VCF2: variants seen among roughly 807,000 people sequenced by gnomAD.
VCF2 encodes the protein VCP nuclear cofactor family member 2.
chrX:55,151,940 G>C, the VCF2 span, among the ~76,000 whole-genome samples: 5 of 92,648 alleles, frequency 5.4e-5, no homozygotes, highest in African/African-American at 1.6e-4. Context: ...CGCCCAGGCT[G>C]GAGTGCAGTG....
At chrX:55,148,385 T>G in the VCF2 span, among the ~76,000 whole-genome samples, 2 of 110,484 alleles carry the variant, frequency 1.8e-5, no homozygotes, top group Non-Finnish European at 3.8e-5. Flanking sequence ...CAAAGGTTAC[T>G]TAAAAGTTAT....
the VCF2 span, among the ~76,000 whole-genome samples, chrX:55,148,516 A>G: frequency 9.1e-6 from 1 of 110,473 alleles, no homozygotes; most frequent in Non-Finnish European, 1.9e-5. Context: ...AAGAAACGTT[A>G]AAAGGAAAAT....
the VCF2 span, among the ~76,000 whole-genome samples, chrX:55,156,928 T>C: frequency 8.9e-6 from 1 of 112,195 alleles, no homozygotes; most frequent in Non-Finnish European, 1.9e-5. Flanking sequence ...TCAATTGCAA[T>C]ATGAAAGTGC....
chrX:55,148,709 T>G, the VCF2 span, among the ~76,000 whole-genome samples: 1 of 110,468 alleles, frequency 9.1e-6, no homozygotes, highest in Non-Finnish European at 1.9e-5. Context: ...GGGTTTTGAT[T>G]TTTTAAAAAA....
chrX:55,145,991 A>G, the VCF2 span: 1 of 1,115,474 alleles, frequency 9.0e-7, no homozygotes, highest in Non-Finnish European at 1.2e-6. Context: ...TGTTACTTAA[A>G]ATGTAGACTT....
the VCF2 span, among the ~76,000 whole-genome samples, chrX:55,151,961 G>A: frequency 2.5e-3 from 240 of 96,587 alleles, 1 homozygote; most frequent in African/African-American, 8.6e-3. Flanking sequence ...GCGGGATCTC[G>A]GCTCACTGCA....
the VCF2 span, among the ~76,000 whole-genome samples, chrX:55,160,548 G>A: frequency 8.9e-6 from 1 of 112,074 alleles, no homozygotes; most frequent in Admixed American, 9.4e-5. Flanking sequence ...TAATGGTCAC[G>A]GCTGGGTGAT....
chrX:55,158,801 T>C, the VCF2 span, among the ~76,000 whole-genome samples: 4 of 111,979 alleles, frequency 3.6e-5, no homozygotes, highest in African/African-American at 1.3e-4. Context: ...TTCCAGCTAA[T>C]AACATATCAC....
chrX:55,146,899 T>C, the VCF2 span, among the ~76,000 whole-genome samples: 2 of 112,653 alleles, frequency 1.8e-5, no homozygotes, highest in East Asian at 2.8e-4. Flanking sequence ...TGAAAGGCAT[T>C]TGACATACTT....
the VCF2 span, among the ~76,000 whole-genome samples, chrX:55,156,474 T>G: frequency 4.4e-5 from 5 of 112,498 alleles, no homozygotes; most frequent in Non-Finnish European, 9.4e-5. Context: ...TTAAAATATG[T>G]GCTCCCAAAG....
At chrX:55,157,583 T>C in the VCF2 span, among the ~76,000 whole-genome samples, 8 of 112,042 alleles carry the variant, frequency 7.1e-5, no homozygotes, top group African/African-American at 2.6e-4. Flanking sequence ...CTTAAAATGA[T>C]AACCTGACAA....
chrX:55,159,212 C>T, the VCF2 span: 1 of 1,203,123 alleles, frequency 8.3e-7, no homozygotes, highest in Non-Finnish European at 1.1e-6. Context: ...TCTTTACTGC[C>T]ATTTCTTCTT....
At chrX:55,161,106 G>A in the VCF2 span, 1 of 1,207,363 alleles carries the variant, frequency 8.3e-7, no homozygotes. Flanking sequence ...GCTCGGACTG[G>A]TACCGGCCGG....
At chrX:55,146,410 T>C in the VCF2 span, 1 of 736,648 alleles carries the variant, frequency 1.4e-6, no homozygotes, top group African/African-American at 2.1e-5. Flanking sequence ...ATAATGGGCT[T>C]AATGGTTTTT....
the VCF2 span, among the ~76,000 whole-genome samples, chrX:55,150,289 T>G: frequency 1.8e-5 from 2 of 111,968 alleles, no homozygotes; most frequent in East Asian, 5.6e-4. Flanking sequence ...AAGACAATTT[T>G]TCCACAGATG....
the VCF2 span, chrX:55,145,199 G>T: frequency 2.1e-6 from 1 of 484,224 alleles, no homozygotes; most frequent in Non-Finnish European, 2.5e-6. Flanking sequence ...CATAATTCTT[G>T]TTACTTTAAA....
chrX:55,154,576 C>T, the VCF2 span, among the ~76,000 whole-genome samples: 1 of 112,332 alleles, frequency 8.9e-6, no homozygotes, highest in Non-Finnish European at 1.9e-5. Context: ...TACAAAACTC[C>T]TGGGGTCCAG....
At chrX:55,144,597 TG>T in the VCF2 span, among the ~76,000 whole-genome samples, 1 of 111,719 alleles carries the variant, frequency 9.0e-6, no homozygotes, top group Non-Finnish European at 1.9e-5. Context: ...AAAATGTGTG[TG>T]TGTGTGTGTG....
At chrX:55,152,906 T>G in the VCF2 span, among the ~76,000 whole-genome samples, 1 of 111,749 alleles carries the variant, frequency 8.9e-6, no homozygotes, top group Non-Finnish European at 1.9e-5. Flanking sequence ...GACAAATGCA[T>G]ATCTGATTAC....
Sources: allele counts gnomAD v4.1 joint callset (sites outside exome capture counted in the v4.1 genomes callset), GRCh38; gene constraint gnomAD v4.1.1; transcripts MANE v1.5; gene names NCBI Gene and HGNC (gene_info 2026-07-23, HGNC 2026-07-21).